CAMTA1: variants seen among roughly 807,000 people sequenced by gnomAD.
The protein encoded by CAMTA1 is calmodulin-binding transcription activator 1.
A neutral mutation model predicts 170.9 loss-of-function variants in CAMTA1; 27 were observed. The observed-to-expected ratio is 0.16, with a 90% CI of 0.12 to 0.22. The LOEUF (loss-of-function observed/expected upper bound fraction) is 0.22. Among genes scored for constraint, CAMTA1 ranks in the 10% least tolerant of loss-of-function variants. The probability of loss-of-function intolerance (pLI) is 1.00; values close to 1 mark genes in which losing one functional copy is unlikely to be tolerated. For missense variants in CAMTA1, 1,619 were observed against 2,217.2 expected, an observed-to-expected ratio of 0.73 and a Z score of 5.42; for synonymous variants, 833 against 891.5, an observed-to-expected ratio of 0.93 and a Z score of 1.17.
intron 3 of CAMTA1, among the ~76,000 whole-genome samples, chr1:7,055,455 G>C (rs1328189149): frequency 6.6e-6 from 1 of 152,206 alleles, no homozygotes; most frequent in Non-Finnish European, 1.5e-5. Flanking sequence ...AGGAAAGGGG[G>C]CTGTCCTCAG....
chr1:7,327,140 G>A (rs1026731585), intron 5 of CAMTA1, among the ~76,000 whole-genome samples: 1 of 151,920 alleles, frequency 6.6e-6, no homozygotes, highest in African/African-American at 2.4e-5. Flanking sequence ...GAGGAGGCCG[G>A]GCGCAGTGGC....
chr1:7,243,591 C>CT (rs1665268623), intron 4 of CAMTA1, among the ~76,000 whole-genome samples: 1 of 152,188 alleles, frequency 6.6e-6, no homozygotes, highest in African/African-American at 2.4e-5. Context: ...GTCTATATCT[C>CT]TGTTTTGGTA....
At position 7,065,483 on chromosome 1, in the gene CAMTA1, A is replaced by T. The variant is rs1361343175; in HGVS notation, c.235-25821A>T. 1.3e-5 allele frequency among the ~76,000 whole-genome samples: 2 copies of T among 152,170 alleles called. No homozygotes were observed. The highest frequency in any genetic ancestry group is 4.8e-5 in the African/African-American group (2 of 41,432). On this transcript the variant is annotated intron_variant, in intron 3 of 22. Coordinates refer to ENST00000303635, the MANE Select transcript of CAMTA1 (RefSeq NM_015215.4). The surrounding 1 kb of genome is among the most constrained non-coding windows in gnomAD (Gnocchi z 5.2). ...GAGGGCTGGAGGAAGAAAGGAAGAG[A>T]AACTAATTTTGACTGGGCAACTATG...
At chr1:6,864,527 G>C (rs12406288) in intron 3 of CAMTA1, among the ~76,000 whole-genome samples, 2 of 152,028 alleles carry the variant, frequency 1.3e-5, no homozygotes, top group East Asian at 1.9e-4. Context: ...GCTTAAGCTC[G>C]TCTCTTGTCA....
rs753422787 is a variant in CAMTA1, at chr1:7,738,313, A to G, written c.4013A>G (p.Asn1338Ser). 31 of 1,614,074 alleles carry G rather than the reference A, an allele frequency of 1.9e-5. No homozygotes were observed. Among genetic ancestry groups the G allele is most frequent in the Non-Finnish European group, 2.6e-5 (31 of 1,180,050 alleles). The change falls in exon 16 of 23, where the codon AAT (asparagine) becomes AGT (serine). Residue 1338 changes from asparagine (N) to serine (S), a missense_variant. Coordinates refer to ENST00000303635, the MANE Select transcript of CAMTA1 (RefSeq NM_015215.4). The surrounding 1 kb of genome is among the most constrained non-coding windows in gnomAD (Gnocchi z 4.9). ...GTGTCTACAGTACAGGTGACTGGAA[A>G]TCCGAAGGGGACCAGTGTAGGAAAG... ...IGVSTVQVTG[N>S]PKGTSVGKEA...
Position 7,630,670 on chromosome 1 carries a change from G to A in CAMTA1, c.511-9730G>A, listed in dbSNP as rs369814612. 9.2e-5 allele frequency among the ~76,000 whole-genome samples: 14 copies of A among 152,332 alleles called. No individual in the cohort carries two copies. The South Asian group carries it at 2.1e-3, about 23-fold the overall frequency. On this transcript the variant is annotated intron_variant, in intron 6 of 22. Coordinates refer to ENST00000303635, the MANE Select transcript of CAMTA1 (RefSeq NM_015215.4). ...GACTCCTGCTGGCGCACAGGCTTGC[G>A]TAATGAGGGCAGCCATGGGAAGGTG...
intron 4 of CAMTA1, among the ~76,000 whole-genome samples, chr1:7,247,329 A>C (rs1665973820): frequency 6.6e-6 from 1 of 152,224 alleles, no homozygotes. Flanking sequence ...GACTGTGTAC[A>C]TGACAGTGTT....
intron 5 of CAMTA1, among the ~76,000 whole-genome samples, chr1:7,323,142 G>T (rs1199635236): frequency 2.0e-5 from 3 of 151,702 alleles, no homozygotes; most frequent in Non-Finnish European, 4.4e-5. Flanking sequence ...TAACCTTAAA[G>T]TATATAACTT....
intron 3 of CAMTA1, among the ~76,000 whole-genome samples, chr1:6,882,858 G>A (rs1025728076): frequency 6.6e-6 from 1 of 152,152 alleles, no homozygotes; most frequent in Non-Finnish European, 1.5e-5. Flanking sequence ...AGGCAAAGGA[G>A]AATGAGAAGC....
intron 1 of CAMTA1, among the ~76,000 whole-genome samples, chr1:6,806,277 T>C (rs1644501723): frequency 6.6e-6 from 1 of 152,234 alleles, no homozygotes; most frequent in African/African-American, 2.4e-5. Context: ...GTAGTAAGTT[T>C]TGAAATCAGG....
chr1:7,021,433 C>A (rs2100956524), intron 3 of CAMTA1, among the ~76,000 whole-genome samples: 1 of 152,344 alleles, frequency 6.6e-6, no homozygotes, highest in African/African-American at 2.4e-5. Flanking sequence ...TGTGCATCGT[C>A]TTTTTCTGAT....
chr1:7,575,949 A>G (rs1400000810), intron 6 of CAMTA1, among the ~76,000 whole-genome samples: 1 of 152,116 alleles, frequency 6.6e-6, no homozygotes, highest in Non-Finnish European at 1.5e-5. Flanking sequence ...GCGATCAAGG[A>G]AATGGAGCAA....
chr1:7,379,505 G>T (rs1052514073), intron 5 of CAMTA1, among the ~76,000 whole-genome samples: 1 of 152,176 alleles, frequency 6.6e-6, no homozygotes, highest in Non-Finnish European at 1.5e-5. Context: ...TCAGGGAGCC[G>T]GGAAAAAACA....
At chr1:7,236,439 A>G (rs1663877122) in intron 4 of CAMTA1, among the ~76,000 whole-genome samples, 1 of 152,142 alleles carries the variant, frequency 6.6e-6, no homozygotes, top group Admixed American at 6.5e-5. Context: ...GGGCTCCCCA[A>G]AGTACTATGA....
chr1:7,304,169 G>A lies in CAMTA1; in HGVS notation c.438+54543G>A, dbSNP rs140586496. 1.1e-4 allele frequency among the ~76,000 whole-genome samples: 17 copies of A among 152,264 alleles called. 2 individuals carry two copies. The East Asian group carries it at 1.9e-3, about 17-fold the overall frequency. ...GCAATGATTGCACAACAATGCGAAC[G>A]TCCTCAATGCCATTGAATGGTGCAC... On this transcript the variant is annotated intron_variant, in intron 5 of 22. Coordinates refer to ENST00000303635, the MANE Select transcript of CAMTA1 (RefSeq NM_015215.4).
intron 5 of CAMTA1, among the ~76,000 whole-genome samples, chr1:7,421,619 C>T (rs993964480): frequency 6.6e-6 from 1 of 152,198 alleles, no homozygotes; most frequent in Admixed American, 6.5e-5. Flanking sequence ...ACGGCCTCCC[C>T]CTCTTGGGCT....
At chr1:7,141,934 A>C (rs1645913085) in intron 4 of CAMTA1, among the ~76,000 whole-genome samples, 1 of 152,182 alleles carries the variant, frequency 6.6e-6, no homozygotes, top group Non-Finnish European at 1.5e-5. Flanking sequence ...GTGGTAGAGA[A>C]GGGCCTCAGT....
chr1:7,429,481 GTGA>G (rs755444420), intron 5 of CAMTA1, among the ~76,000 whole-genome samples: 5 of 151,928 alleles, frequency 3.3e-5, no homozygotes, highest in South Asian at 2.1e-4. Flanking sequence ...GATAATACGG[GTGA>G]TGATGATGGT....
chr1:7,030,792 A>G (rs1702672949), intron 3 of CAMTA1, among the ~76,000 whole-genome samples: 1 of 151,746 alleles, frequency 6.6e-6, no homozygotes, highest in South Asian at 2.1e-4. Flanking sequence ...AATGTCAACT[A>G]GGTCAAGTTG....
Sources: gnomAD v4.1 joint callset for allele counts (sites outside exome capture counted in the v4.1 genomes callset) on GRCh38, gnomAD v4.1.1 for gene constraint, Gnocchi (gnomAD v3.1) non-coding constraint, MANE v1.5 for transcripts, NCBI Gene and HGNC (gene_info 2026-07-23, HGNC 2026-07-21) for gene names.